The following NPAS3 variants were observed in gnomAD, a reference collection of about 807,000 sequenced individuals.
NPAS3 encodes the protein neuronal PAS domain protein 3.
In NPAS3, 14 loss-of-function variants were observed where a neutral mutation model predicts 73.1. The observed-to-expected ratio is 0.19, with a 90% CI of 0.13 to 0.30. The LOEUF is 0.30. Ranked by LOEUF, NPAS3 falls within the 10% of genes least tolerant of loss-of-function variation. The pLI, the probability that NPAS3 is intolerant of heterozygous loss-of-function variation, is 1.00. For missense variants in NPAS3, 1,096 were observed against 1,250.0 expected, an observed-to-expected ratio of 0.88 and a Z score of 1.86; for synonymous variants, 620 against 541.5, an observed-to-expected ratio of 1.14 and a Z score of -2.01.
At chr14:33,601,768 T>C (rs1167920683) in intron 5 of NPAS3, among the ~76,000 whole-genome samples, 1 of 152,230 alleles carries the variant, frequency 6.6e-6, no homozygotes, top group Non-Finnish European at 1.5e-5. Flanking sequence ...ATTTTCATCA[T>C]TATCAATGTC....
At chr14:32,983,463 C>T (rs773908698) in intron 1 of NPAS3, among the ~76,000 whole-genome samples, 1 of 152,096 alleles carries the variant, frequency 6.6e-6, no homozygotes, top group African/African-American at 2.4e-5. Context: ...TAAACACTTT[C>T]ATCTGTCATT....
At chr14:33,783,601 G>A (rs866783972) in intron 9 of NPAS3, among the ~76,000 whole-genome samples, 2 of 142,834 alleles carry the variant, frequency 1.4e-5, no homozygotes, top group Non-Finnish European at 3.1e-5. Flanking sequence ...GGGGTGGTGT[G>A]GGGGGGCGGG....
chr14:33,320,554 C>T (rs2043398371), intron 3 of NPAS3, among the ~76,000 whole-genome samples: 1 of 152,120 alleles, frequency 6.6e-6, no homozygotes, highest in Non-Finnish European at 1.5e-5. Context: ...TCTCCTCCGA[C>T]ATGCTCATGT....
At chr14:33,022,421 T>G (rs2039631421) in intron 1 of NPAS3, among the ~76,000 whole-genome samples, 1 of 152,128 alleles carries the variant, frequency 6.6e-6, no homozygotes, top group Non-Finnish European at 1.5e-5. Context: ...TCCCAGCACT[T>G]TGGGAGGCTG....
intron 2 of NPAS3, among the ~76,000 whole-genome samples, chr14:33,105,757 A>C (rs17095924): frequency 7.4e-6 from 1 of 135,822 alleles, no homozygotes; most frequent in Non-Finnish European, 1.6e-5. Context: ...GTTATTTAGG[A>C]AAAAAAAAGA....
intron 2 of NPAS3, among the ~76,000 whole-genome samples, chr14:33,131,863 G>A (rs976892327): frequency 5.3e-5 from 8 of 152,154 alleles, no homozygotes; most frequent in African/African-American, 9.7e-5. Context: ...TCTTTGAGCC[G>A]AAGCTTGCAG....
At chr14:33,647,048 G>A (rs191365522) in intron 5 of NPAS3, among the ~76,000 whole-genome samples, 8 of 152,234 alleles carry the variant, frequency 5.3e-5, no homozygotes, top group Non-Finnish European at 1.0e-4. Context: ...AAACAAAAGT[G>A]CTGTTGATCA....
At position 33,392,442 on chromosome 14, in the gene NPAS3, G is replaced by A. The variant is rs775401247; in HGVS notation, c.468+25174G>A. Among the ~76,000 whole-genome samples the A allele has an allele frequency of 5.3e-5, 8 of 152,290 alleles. No individual in the cohort carries two copies. In the South Asian group the frequency reaches 6.2e-4, roughly 12 times the overall value. ...GAATATAGGATCTGTACCTAGGTCT[G>A]TCGGATGCCAGTGACTATGCTTTTC... On this transcript the variant is annotated intron_variant, in intron 4 of 11. Transcript: ENST00000356141.
intron 5 of NPAS3, among the ~76,000 whole-genome samples, chr14:33,577,014 C>A (rs936011784): frequency 6.6e-6 from 1 of 152,164 alleles, no homozygotes; most frequent in South Asian, 2.1e-4. Flanking sequence ...CAGCAGGACC[C>A]AAGCTCTTCA....
At chr14:33,657,290 A>G (rs1331243162) in intron 5 of NPAS3, among the ~76,000 whole-genome samples, 2 of 152,172 alleles carry the variant, frequency 1.3e-5, no homozygotes, top group Non-Finnish European at 2.9e-5. Context: ...CCCAGAGAGG[A>G]GAGAGGCCAC....
chr14:33,680,452 TC>T, intron 6 of NPAS3: 1 of 615,002 alleles, frequency 1.6e-6, no homozygotes, highest in Non-Finnish European at 2.9e-6. Context: ...AGATTTAGTT[TC>T]TGTTCCTGTT....
intron 2 of NPAS3, among the ~76,000 whole-genome samples, chr14:33,159,106 G>A (rs112828499): frequency 0.02 from 3,007 of 152,194 alleles, 70 homozygotes; most frequent in African/African-American, 0.056. Flanking sequence ...AAATTGCAAT[G>A]AGCCTAGATC....
chr14:33,365,682 A>T (rs2045809693), intron 3 of NPAS3, among the ~76,000 whole-genome samples: 1 of 152,220 alleles, frequency 6.6e-6, no homozygotes, highest in South Asian at 2.1e-4. Context: ...TTCTCTTGTC[A>T]GTAATAATGA....
intron 6 of NPAS3, among the ~76,000 whole-genome samples, chr14:33,685,798 T>C (rs1371491977): frequency 4.6e-5 from 7 of 152,194 alleles, no homozygotes; most frequent in Admixed American, 4.6e-4. Flanking sequence ...TGGGCATTTA[T>C]GAGTAATTTA....
At chr14:33,477,531 A>G (rs1016380476) in intron 4 of NPAS3, among the ~76,000 whole-genome samples, 1 of 152,108 alleles carries the variant, frequency 6.6e-6, no homozygotes, top group Non-Finnish European at 1.5e-5. Context: ...TCATGCACTC[A>G]TAGCACACAT....
intron 4 of NPAS3, among the ~76,000 whole-genome samples, chr14:33,472,320 A>G (rs1041848939): frequency 6.6e-6 from 1 of 152,132 alleles, no homozygotes; most frequent in Non-Finnish European, 1.5e-5. Context: ...AGGGTTTTGC[A>G]GGATGTAGGG....
chr14:33,567,808 A>G (rs1003546679), intron 5 of NPAS3, among the ~76,000 whole-genome samples: 1 of 152,224 alleles, frequency 6.6e-6, no homozygotes, highest in Admixed American at 6.5e-5. Context: ...ACAGGTCTTC[A>G]GAGTAGACCA....
intron 5 of NPAS3, among the ~76,000 whole-genome samples, chr14:33,644,655 C>T (rs2058770535): frequency 6.6e-6 from 1 of 152,140 alleles, no homozygotes; most frequent in Non-Finnish European, 1.5e-5. Flanking sequence ...GAGCTAGGTA[C>T]ACAGATACAA....
rs183754462 is a variant in NPAS3 at position 33,037,457 on chromosome 14, C to A, written c.51-18448C>A. ...CCCATGAGTTTGAGACCAGCCTGGACAACATAGTGAGACCCCATCTCAGCA... is the reference window on the plus strand; with the variant it reads ...CCCATGAGTTTGAGACCAGCCTGGAAAACATAGTGAGACCCCATCTCAGCA... On this transcript the variant is annotated intron_variant, in intron 1 of 11. Transcript: ENST00000356141. Among the ~76,000 whole-genome samples, 358 of 136,378 alleles carry A rather than the reference C, an allele frequency of 2.6e-3. 2 individuals carry two copies. The highest frequency in any genetic ancestry group is 9.5e-3 in the African/African-American group (347 of 36,488). 89.5% of individuals were successfully genotyped at this position (136,378 alleles called of 152,430 possible).
Sources: gnomAD v4.1 joint callset for allele counts (sites outside exome capture counted in the v4.1 genomes callset) on GRCh38, gnomAD v4.1.1 for gene constraint, MANE v1.5 for transcripts, NCBI Gene and HGNC (gene_info 2026-07-23, HGNC 2026-07-21) for gene names.